The following ROBO1 variants were observed in gnomAD, a reference collection of about 807,000 sequenced individuals.
ROBO1 encodes roundabout homolog 1.
A neutral mutation model predicts 195.9 loss-of-function variants in ROBO1; 149 were observed. The ratio of observed to expected loss-of-function variants is 0.76; its 90% CI spans 0.67 to 0.87. ROBO1 has a LOEUF of 0.87. ROBO1 is among the 40% of genes least tolerant of loss of function. The probability of loss-of-function intolerance (pLI) is 0.00; values close to 1 mark genes in which losing one functional copy is unlikely to be tolerated. For synonymous variants in ROBO1, 816 were observed against 733.2 expected (o/e 1.11, Z -1.82); for missense variants, 1,933 against 2,068.3 (o/e 0.93, Z 1.27).
chr3:79,049,294 A>G (rs533141391), intron 3 of ROBO1, among the ~76,000 whole-genome samples: 5 of 152,298 alleles, frequency 3.3e-5, no homozygotes, highest in African/African-American at 1.2e-4. Context: ...ATGAAAGGAT[A>G]TCAGTGATTG....
chr3:78,799,872 A>C (rs1308706297), intron 4 of ROBO1, among the ~76,000 whole-genome samples: 1 of 151,590 alleles, frequency 6.6e-6, no homozygotes, highest in Non-Finnish European at 1.5e-5. Flanking sequence ...ACTTATCCAG[A>C]CTCAGTTTTA....
In ROBO1 at chr3:78,670,097, T is replaced by G. The variant is rs374766026; in HGVS notation, c.1547A>C (p.Lys516Thr). 1.2e-5 allele frequency: 19 copies of G among 1,594,974 alleles called. No individual in the cohort carries two copies. In the African/African-American group the frequency reaches 2.5e-4, roughly 21 times the overall value. The part of the protein sequence containing the change: ...ENGVLQIRYA[K>T]LGDTGRYTCI... ...ACGCAAGGTGCCATTCCAAGTTACC[T>G]TAGCATATCGGATCTGCAGTACTCC... The change falls in exon 11 of 31, where the codon AAG (lysine) becomes ACG (threonine). Residue 516 changes from lysine (K) to threonine (T), a missense_variant and splice_region_variant. This residue lies in a region of ROBO1 where 1,737 missense variants were observed against 1,882.5 expected (regional missense o/e 0.92). Coordinates refer to ENST00000464233, the MANE Select transcript of ROBO1 (RefSeq NM_002941.4).
At chr3:79,576,710 A>G (rs1474564797) in intron 2 of ROBO1, among the ~76,000 whole-genome samples, 1 of 152,180 alleles carries the variant, frequency 6.6e-6, no homozygotes, top group African/African-American at 2.4e-5. Context: ...GAAAGCTTAC[A>G]AAAATGAAAT....
chr3:79,445,581 C>A, intron 2 of ROBO1, among the ~76,000 whole-genome samples: 1 of 148,906 alleles, frequency 6.7e-6, no homozygotes. Flanking sequence ...CTCACCGCAG[C>A]CTCAAATTCC....
At chr3:78,685,710 C>A in intron 10 of ROBO1, 36 bp downstream of exon 10, 1 of 1,497,944 alleles carries the variant, frequency 6.7e-7, no homozygotes, top group Admixed American at 1.9e-5. Flanking sequence ...CTAAGTCAAA[C>A]TTGGACATTT....
At chr3:79,668,212 C>G (rs1297707708) in intron 1 of ROBO1, among the ~76,000 whole-genome samples, 2 of 151,554 alleles carry the variant, frequency 1.3e-5, no homozygotes, top group Non-Finnish European at 2.9e-5. Context: ...AAATGACTTT[C>G]TAAGGGTAGA....
chr3:78,644,078 T>G (rs1206619094), intron 21 of ROBO1, among the ~76,000 whole-genome samples: 2 of 151,664 alleles, frequency 1.3e-5, no homozygotes, highest in Non-Finnish European at 2.9e-5. Context: ...AGTGTAGGAG[T>G]TTGGTTCATT....
chr3:79,426,332 T>C (rs1162562086), intron 2 of ROBO1, among the ~76,000 whole-genome samples: 1 of 152,068 alleles, frequency 6.6e-6, no homozygotes. Flanking sequence ...ATTTCTCTTC[T>C]CTTACTTCCT....
rs371275904 is a variant in ROBO1, at chr3:79,525,608, CT to C, written c.88+64215del. On this transcript the variant is annotated intron_variant, in intron 2 of 30. Transcript: ENST00000464233. ...TGTTTAGTGTCTTTAGAACTTTACA[CT>C]TTTTTTTTTTTTTTGAGGTGGAATC... 9.0e-3 allele frequency among the ~76,000 whole-genome samples: 1,194 copies of C among 133,270 alleles called. 15 individuals are homozygous for C. Among genetic ancestry groups the C allele is most frequent in the African/African-American group, 0.029 (1,047 of 36,360 alleles). 87.4% of individuals were successfully genotyped at this position (133,270 alleles called of 152,430 possible). A position where few individuals can be genotyped will look rare whatever the true frequency, so the allele number is the denominator to read the frequency against.
At chr3:79,375,985 C>T (rs1358781638) in intron 2 of ROBO1, among the ~76,000 whole-genome samples, 1 of 152,182 alleles carries the variant, frequency 6.6e-6, no homozygotes, top group Non-Finnish European at 1.5e-5. Flanking sequence ...GTGATATCCA[C>T]AGGACTGAAG....
intron 2 of ROBO1, among the ~76,000 whole-genome samples, chr3:79,414,053 T>C (rs1164581641): frequency 1.3e-5 from 2 of 152,140 alleles, no homozygotes; most frequent in Non-Finnish European, 2.9e-5. Context: ...ATTTCTACTT[T>C]ATATACTCCT....
At chr3:79,479,629 T>C (rs73131023) in intron 2 of ROBO1, among the ~76,000 whole-genome samples, 24,796 of 152,104 alleles carry the variant, frequency 0.16, 2,787 homozygotes, top group African/African-American at 0.33. Flanking sequence ...AAAGTTACCT[T>C]ACCATGATGG....
chr3:78,948,665 G>C (rs1247636834), intron 3 of ROBO1, among the ~76,000 whole-genome samples: 1 of 152,086 alleles, frequency 6.6e-6, no homozygotes, highest in Non-Finnish European at 1.5e-5. Flanking sequence ...TTCTGGCCAG[G>C]GCAATCAGGC....
At chr3:79,403,527 T>C (rs2037440078) in intron 2 of ROBO1, among the ~76,000 whole-genome samples, 1 of 151,966 alleles carries the variant, frequency 6.6e-6, no homozygotes, top group Non-Finnish European at 1.5e-5. Flanking sequence ...TGGCAAATAA[T>C]AGGTAGTTTC....
At chr3:79,080,911 T>C (rs1004829054) in intron 3 of ROBO1, among the ~76,000 whole-genome samples, 2 of 152,044 alleles carry the variant, frequency 1.3e-5, no homozygotes, top group Non-Finnish European at 2.9e-5. Flanking sequence ...ATATTTTAGT[T>C]TACTACCTCC....
intron 29 of ROBO1, among the ~76,000 whole-genome samples, chr3:78,603,501 T>A (rs1040013603): frequency 2.6e-5 from 4 of 152,148 alleles, no homozygotes; most frequent in Admixed American, 2.0e-4. Flanking sequence ...AGGTTTATGC[T>A]TATACATAAA....
chr3:79,270,124 T>G (rs928818540), intron 2 of ROBO1, among the ~76,000 whole-genome samples: 1 of 151,568 alleles, frequency 6.6e-6, no homozygotes, highest in African/African-American at 2.4e-5. Context: ...TGAAAAGAAA[T>G]GCATAAGTGT....
At chr3:78,731,750 C>A (rs1044179259) in intron 5 of ROBO1, among the ~76,000 whole-genome samples, 4 of 152,024 alleles carry the variant, frequency 2.6e-5, no homozygotes, top group Admixed American at 6.6e-5. Context: ...TATTTAAATT[C>A]TCTGGTGTTT....
chr3:78,741,326 T>G (rs2082529499), intron 5 of ROBO1, among the ~76,000 whole-genome samples: 1 of 152,160 alleles, frequency 6.6e-6, no homozygotes, highest in Non-Finnish European at 1.5e-5. Flanking sequence ...CCAAAGAAAC[T>G]GTGCTAATTT....
Sources: allele counts gnomAD v4.1 joint callset (sites outside exome capture counted in the v4.1 genomes callset), GRCh38; gene constraint gnomAD v4.1.1; regional missense constraint gnomAD v4.1.1; transcripts MANE v1.5; gene names NCBI Gene and HGNC (gene_info 2026-07-23, HGNC 2026-07-21).